Variants in MALRD1 observed in about 807,000 individuals in gnomAD.
MALRD1 encodes the protein MAM and LDL-receptor class A domain-containing protein 1.
A neutral mutation model predicts 242.1 loss-of-function variants in MALRD1; 247 were observed. That is an observed-to-expected ratio of 1.02 (90% confidence interval 0.92 to 1.13). MALRD1 has a LOEUF of 1.13. MALRD1 is among the 50% of genes most tolerant of loss of function. The pLI, the probability that MALRD1 is intolerant of heterozygous loss-of-function variation, is 0.00. For missense variants in MALRD1, 2,989 were observed against 2,533.1 expected (o/e 1.18, Z -3.86); for synonymous variants, 995 against 866.6 (o/e 1.15, Z -2.60).
chr10:19,680,974 C>G (rs751073365), intron 36 of MALRD1, among the ~76,000 whole-genome samples: 7 of 152,132 alleles, frequency 4.6e-5, no homozygotes, highest in Non-Finnish European at 2.9e-5. Flanking sequence ...ATTGGCCTCC[C>G]GATATCTTTT....
At chr10:19,148,158 A>T (rs142892197) in intron 11 of MALRD1, among the ~76,000 whole-genome samples, 8 of 152,132 alleles carry the variant, frequency 5.3e-5, no homozygotes, top group Non-Finnish European at 1.2e-4. Context: ...AAAAACATGG[A>T]TGTGCTGAAG....
At chr10:19,188,824 T>C (rs1297407832) in intron 14 of MALRD1, among the ~76,000 whole-genome samples, 1 of 147,476 alleles carries the variant, frequency 6.8e-6, no homozygotes, top group Non-Finnish European at 1.5e-5. Context: ...AATAAGGAAA[T>C]GATGGTGACT....
At chr10:19,517,324 T>G (rs2358412) in intron 31 of MALRD1, among the ~76,000 whole-genome samples, 4 of 151,940 alleles carry the variant, frequency 2.6e-5, no homozygotes, top group Non-Finnish European at 4.4e-5. Flanking sequence ...GGTGAAAACA[T>G]GGGCAATTTC....
chr10:19,048,148 C>T (rs1564359914), upstream of MALRD1, among the ~76,000 whole-genome samples: 1 of 152,108 alleles, frequency 6.6e-6, no homozygotes, highest in Non-Finnish European at 1.5e-5. Context: ...AATTCTTGTG[C>T]TATAGAAGAG....
Position 19,283,198 on chromosome 10 carries a change from T to A in MALRD1, c.3419+17T>A, listed in dbSNP as rs997437241. ...TCATACACAGTAAGTGACCATGTAT[T>A]TTGAATATCTCTCTTGGGAAATATT... is the stretch of plus-strand genomic sequence containing the variant. On this transcript the variant is annotated intron_variant, in intron 21 of 39. Coordinates refer to ENST00000454679, the MANE Select transcript of MALRD1 (RefSeq NM_001142308.3). 9.3e-6 allele frequency: 14 copies of A among 1,502,668 alleles called. No individual in the cohort carries two copies. The highest frequency in any genetic ancestry group is 2.2e-5 in the Admixed American group (1 of 46,136). The allele number at this position is 1,502,668 out of a possible 1,614,324, so 93.1% of individuals were successfully genotyped here. A position where few individuals can be genotyped will look rare whatever the true frequency, so the allele number is the denominator to read the frequency against.
intron 18 of MALRD1, among the ~76,000 whole-genome samples, chr10:19,233,156 G>A (rs1049625365): frequency 2.6e-5 from 4 of 152,052 alleles, no homozygotes; most frequent in Non-Finnish European, 2.9e-5. Flanking sequence ...AAATAATCAC[G>A]TCATGAGGAA....
At chr10:19,528,700 A>T (rs995050365) in intron 31 of MALRD1, among the ~76,000 whole-genome samples, 6 of 152,284 alleles carry the variant, frequency 3.9e-5, no homozygotes, top group South Asian at 2.1e-4. Context: ...TAGCTTTTTT[A>T]AAAAAATAGA....
rs527370829 is a variant in MALRD1, at chr10:19,073,513, C to T, written c.340+6654C>T. Among the ~76,000 whole-genome samples the T allele has an allele frequency of 3.3e-5, 5 of 152,154 alleles. No individual in the cohort carries two copies. In the East Asian group the frequency reaches 5.8e-4, roughly 18 times the overall value. ...CACAAATGGAAAATTCCACACCTGA[C>T]GCCTTTGGTTTCTGATGGTTTAATG... On this transcript the variant is annotated intron_variant, in intron 2 of 39. Coordinates refer to ENST00000454679, the MANE Select transcript of MALRD1 (RefSeq NM_001142308.3).
intron 19 of MALRD1, among the ~76,000 whole-genome samples, chr10:19,275,664 G>A (rs1312587883): frequency 3.3e-5 from 5 of 151,896 alleles, no homozygotes; most frequent in Admixed American, 6.6e-5. Flanking sequence ...GCGAGACTCT[G>A]TCTCAAAAAA....
intron 11 of MALRD1, among the ~76,000 whole-genome samples, chr10:19,151,089 C>A: frequency 6.6e-6 from 1 of 152,122 alleles, no homozygotes; most frequent in East Asian, 1.9e-4. Context: ...TTCCTACCAG[C>A]AAGAGGCATT....
chr10:19,473,786 G>A (rs1413496905), intron 29 of MALRD1, among the ~76,000 whole-genome samples: 1 of 152,048 alleles, frequency 6.6e-6, no homozygotes, highest in African/African-American at 2.4e-5. Flanking sequence ...TATGACATTA[G>A]TGCACAAATA....
chr10:19,270,844 GCA>G (rs1243239787), intron 19 of MALRD1, among the ~76,000 whole-genome samples: 6 of 79,850 alleles, frequency 7.5e-5, no homozygotes, highest in East Asian at 8.3e-4. Context: ...ACACACACAC[GCA>G]CACACAAAAT....
At chr10:19,262,525 A>G (rs1402341916) in intron 19 of MALRD1, among the ~76,000 whole-genome samples, 1 of 151,908 alleles carries the variant, frequency 6.6e-6, no homozygotes. Flanking sequence ...GCATGGTGGC[A>G]CACACTTGTA....
intron 38 of MALRD1, among the ~76,000 whole-genome samples, chr10:19,699,242 A>G (rs1833509594): frequency 6.9e-6 from 1 of 145,934 alleles, no homozygotes; most frequent in African/African-American, 2.7e-5. Context: ...CCATGGTGTA[A>G]TATGTACCTG....
At chr10:19,101,252 A>AT (rs944405835) in intron 4 of MALRD1, among the ~76,000 whole-genome samples, 17 of 146,422 alleles carry the variant, frequency 1.2e-4, no homozygotes, top group African/African-American at 3.2e-4. Context: ...TGAAATACAT[A>AT]TATATATATT....
chr10:19,582,069 G>C (rs12218471), intron 33 of MALRD1, among the ~76,000 whole-genome samples: 78,538 of 151,306 alleles, frequency 0.52, 20,493 homozygotes, highest in African/African-American at 0.55. Flanking sequence ...TGATGGGGTT[G>C]TTTGTTTTTT....
chr10:19,418,466 C>T (rs1273591245), intron 28 of MALRD1, among the ~76,000 whole-genome samples: 2 of 151,974 alleles, frequency 1.3e-5, no homozygotes, highest in Non-Finnish European at 2.9e-5. Context: ...AAATGAACTC[C>T]AACAGCCACT....
At chr10:19,588,552 G>A (rs757582172) in intron 33 of MALRD1, among the ~76,000 whole-genome samples, 1 of 152,214 alleles carries the variant, frequency 6.6e-6, no homozygotes, top group Non-Finnish European at 1.5e-5. Flanking sequence ...CACAAGTATA[G>A]CTTTGATTGT....
chr10:19,471,472 C>T (rs1036542051), intron 29 of MALRD1, among the ~76,000 whole-genome samples: 1 of 151,512 alleles, frequency 6.6e-6, no homozygotes, highest in Non-Finnish European at 1.5e-5. Context: ...CTGTGGAAAA[C>T]GACTTAGAAT....
Sources: allele counts gnomAD v4.1 joint callset (sites outside exome capture counted in the v4.1 genomes callset), GRCh38; gene constraint gnomAD v4.1.1; transcripts MANE v1.5; gene names NCBI Gene and HGNC (gene_info 2026-07-23, HGNC 2026-07-21).